Variants in GREB1L observed in about 807,000 individuals in gnomAD.
GREB1L encodes the protein GREB1 like retinoic acid receptor coactivator, also known as GREB1-like protein.
In GREB1L, 17 loss-of-function variants were observed where a neutral mutation model predicts 200.8. The ratio of observed to expected loss-of-function variants is 0.08; its 90% confidence interval spans 0.06 to 0.13. GREB1L has a LOEUF of 0.13. Ranked by LOEUF, GREB1L falls within the 10% of genes least tolerant of loss-of-function variation. GREB1L has a pLI of 1.00. For synonymous variants in GREB1L, 789 were observed against 893.0 expected, an observed-to-expected ratio of 0.88 and a Z score of 2.08; for missense variants, 1,657 against 2,367.7, an observed-to-expected ratio of 0.70 and a Z score of 6.23.
intron 1 of GREB1L, among the ~76,000 whole-genome samples, chr18:21,350,888 C>G (rs2039422710): frequency 6.6e-6 from 1 of 152,180 alleles, no homozygotes; most frequent in African/African-American, 2.4e-5. Context: ...TATCTGAGAT[C>G]CTCTCCCTTC....
intron 15 of GREB1L, among the ~76,000 whole-genome samples, chr18:21,462,298 CAG>C (rs1568031500): frequency 6.6e-6 from 1 of 152,198 alleles, no homozygotes; most frequent in African/African-American, 2.4e-5. Context: ...AGTAAGGAAA[CAG>C]AATAAAAGTG....
chr18:21,417,982 A>G (rs1441825883), intron 7 of GREB1L, among the ~76,000 whole-genome samples: 3 of 140,270 alleles, frequency 2.1e-5, no homozygotes, highest in African/African-American at 8.2e-5. Context: ...CTCCATCTCA[A>G]AAAAAAAAAA....
At chr18:21,365,117 T>G (rs1358451156) in intron 1 of GREB1L, among the ~76,000 whole-genome samples, 1 of 152,058 alleles carries the variant, frequency 6.6e-6, no homozygotes, top group Non-Finnish European at 1.5e-5. Context: ...AATCTAAAAT[T>G]TTTTTTCTTT....
At chr18:21,349,419 A>G (rs2039401693) in intron 1 of GREB1L, among the ~76,000 whole-genome samples, 1 of 152,130 alleles carries the variant, frequency 6.6e-6, no homozygotes, top group Admixed American at 6.6e-5. Flanking sequence ...AAAATACACT[A>G]TGCCTTTGAT....
intron 4 of GREB1L, among the ~76,000 whole-genome samples, chr18:21,393,292 A>G (rs537987819): frequency 6.6e-6 from 1 of 151,952 alleles, no homozygotes; most frequent in Admixed American, 6.6e-5. Flanking sequence ...ATTTTCTGAA[A>G]TAGCGTTTTT....
rs2035745586 is a variant in GREB1L, at chr18:21,477,429, A to G, written c.2556+73A>G. On this transcript the variant is annotated intron_variant, in intron 17 of 32. Transcript: ENST00000424526. Reference sequence around the variant, plus strand: ...CAAGAGGGTAGGACCTTGTAACAAAATGTGTCATGGCTTAAGACCATATTC... The same window carrying G: ...CAAGAGGGTAGGACCTTGTAACAAAGTGTGTCATGGCTTAAGACCATATTC... 21 of 1,147,866 alleles carry G rather than the reference A, an allele frequency of 1.8e-5. No individual in the cohort carries two copies. In the South Asian group the frequency reaches 3.6e-4, roughly 20 times the overall value. 71.1% of individuals were successfully genotyped at this position (1,147,866 alleles called of 1,614,324 possible). A position where few individuals can be genotyped will look rare whatever the true frequency, so the allele number is the denominator to read the frequency against.
chr18:21,448,707 A>G (rs1427866571), intron 11 of GREB1L, among the ~76,000 whole-genome samples: 3 of 152,234 alleles, frequency 2.0e-5, no homozygotes, highest in Non-Finnish European at 4.4e-5. Context: ...ACTGCTTTCA[A>G]TTTAAACTAA....
chr18:21,249,181 G>A (rs1206803540), intron 1 of GREB1L, among the ~76,000 whole-genome samples: 1 of 151,936 alleles, frequency 6.6e-6, no homozygotes, highest in East Asian at 1.9e-4. Flanking sequence ...GTTACAAGGG[G>A]TTTGGGGATC....
At chr18:21,392,649 C>A (rs1365835347) in intron 4 of GREB1L, among the ~76,000 whole-genome samples, 2 of 151,974 alleles carry the variant, frequency 1.3e-5, no homozygotes, top group East Asian at 3.9e-4. Context: ...TTTATTCTTT[C>A]TTCTGTTGAC....
At chr18:21,520,863 T>G in intron 32 of GREB1L, 40 bp downstream of exon 32, 2 of 1,490,122 alleles carry the variant, frequency 1.3e-6, no homozygotes, top group Non-Finnish European at 9.0e-7. Context: ...TTGCTATTGG[T>G]TCCCACTGAG....
chr18:21,247,039 T>G (rs1049130098), intron 1 of GREB1L, among the ~76,000 whole-genome samples: 40 of 152,178 alleles, frequency 2.6e-4, no homozygotes, highest in African/African-American at 9.7e-4. Flanking sequence ...ATCCCTGATA[T>G]TTTTGGCAAA....
chr18:21,277,782 G>A (rs1323760990), intron 1 of GREB1L, among the ~76,000 whole-genome samples: 3 of 152,264 alleles, frequency 2.0e-5, no homozygotes, highest in Non-Finnish European at 2.9e-5. Context: ...CCACCAGACC[G>A]TCATGCTCTG....
chr18:21,252,656 T>G (rs1276008970), intron 1 of GREB1L, among the ~76,000 whole-genome samples: 1 of 150,988 alleles, frequency 6.6e-6, no homozygotes, highest in African/African-American at 2.4e-5. Flanking sequence ...TCACCTGAGA[T>G]CAGGAGTTCA....
At chr18:21,289,238 G>C (rs2038407717) in intron 1 of GREB1L, among the ~76,000 whole-genome samples, 1 of 152,108 alleles carries the variant, frequency 6.6e-6, no homozygotes, top group Non-Finnish European at 1.5e-5. Context: ...AAATTTACCA[G>C]AGAGGATCTT....
At chr18:21,438,827 G>A (rs1442350650) in intron 7 of GREB1L, among the ~76,000 whole-genome samples, 3 of 151,642 alleles carry the variant, frequency 2.0e-5, no homozygotes, top group Non-Finnish European at 2.9e-5. Flanking sequence ...CGGGCATGGT[G>A]GTGGGCGCCT....
chr18:21,243,095 A>G (rs1394436217), intron 1 of GREB1L, among the ~76,000 whole-genome samples: 2 of 152,000 alleles, frequency 1.3e-5, no homozygotes, highest in Non-Finnish European at 2.9e-5. Context: ...ATGAGACACA[A>G]AGAGTTGTGT....
intron 7 of GREB1L, among the ~76,000 whole-genome samples, chr18:21,420,282 G>T (rs1598802204): frequency 6.6e-6 from 1 of 151,788 alleles, no homozygotes; most frequent in African/African-American, 2.4e-5. Flanking sequence ...TGAGGCAGGA[G>T]AGTCACTTGA....
chr18:21,454,579 C>T lies in GREB1L; in HGVS notation c.2182+16C>T. ...CGACAATCAGGTAAGAGTGAACTTT[C>T]AAAGAGGAGCCCACCTAGATCCAGC... is the stretch of plus-strand genomic sequence containing the variant. On this transcript the variant is annotated intron_variant, in intron 15 of 32. Transcript: ENST00000424526. 3 of 1,539,624 alleles carry T rather than the reference C, an allele frequency of 1.9e-6. No homozygotes were observed. The highest frequency in any genetic ancestry group is 2.6e-6 in the Non-Finnish European group (3 of 1,135,896).
Position 21,335,048 on chromosome 18 carries a change from C to T in GREB1L, c.-119-30979C>T, listed in dbSNP as rs575191526. 2.6e-5 allele frequency among the ~76,000 whole-genome samples: 4 copies of T among 152,314 alleles called. No individual in the cohort carries two copies. The South Asian group carries it at 8.3e-4, about 32-fold the overall frequency. ...GAAAAGAACTTTGGGTTTTCTCCTT[C>T]CTAAACCCTTGCTAAATTGTTCTGG... On this transcript the variant is annotated intron_variant, in intron 1 of 32. Transcript: ENST00000424526.
Sources: allele counts gnomAD v4.1 joint callset (sites outside exome capture counted in the v4.1 genomes callset), GRCh38; gene constraint gnomAD v4.1.1; transcripts MANE v1.5; gene names NCBI Gene and HGNC (gene_info 2026-07-23, HGNC 2026-07-21).